Variants in DMD observed in about 807,000 individuals in gnomAD.
DMD encodes dystrophin.
In DMD, 63 loss-of-function variants were observed where a neutral mutation model predicts 330.1. The ratio of observed to expected loss-of-function variants is 0.19; its 90% CI spans 0.16 to 0.24. The LOEUF (loss-of-function observed/expected upper bound fraction) is 0.24, where lower values mean the gene tolerates loss of function less well. Among genes scored for constraint, DMD ranks in the 10% least tolerant of loss-of-function variants. DMD has a pLI of 1.00. For missense variants in DMD, 3,344 were observed against 2,684.1 expected (o/e 1.25, Z -5.43); for synonymous variants, 1,223 against 959.8 (o/e 1.27, Z -5.07).
At chrX:32,391,697 AT>A (rs1172109370) in intron 30 of DMD, among the ~76,000 whole-genome samples, 1 of 111,962 alleles carries the variant, frequency 8.9e-6, no homozygotes, top group African/African-American at 3.2e-5. Flanking sequence ...GTAGGGATCC[AT>A]CTAGGTGCAT....
chrX:31,491,991 A>G (rs767611153), intron 57 of DMD, among the ~76,000 whole-genome samples: 2 of 112,325 alleles, frequency 1.8e-5, no homozygotes, highest in Non-Finnish European at 3.8e-5. Flanking sequence ...TTGTATCCCC[A>G]TAAAAAGCAT....
At chrX:31,351,185 C>T (rs182515334) in intron 60 of DMD, among the ~76,000 whole-genome samples, 5 of 110,186 alleles carry the variant, frequency 4.5e-5, no homozygotes, top group African/African-American at 1.7e-4. Flanking sequence ...CACACATATA[C>T]ATACATACAT....
At chrX:31,259,124 A>C (rs1372246349) in intron 63 of DMD, among the ~76,000 whole-genome samples, 6 of 112,155 alleles carry the variant, frequency 5.3e-5, no homozygotes, top group Non-Finnish European at 1.1e-4. Flanking sequence ...AAACTTCAAA[A>C]ATATGAATAG....
chrX:32,005,658 A>C (rs767496755), intron 44 of DMD, among the ~76,000 whole-genome samples: 1 of 111,070 alleles, frequency 9.0e-6, no homozygotes, highest in Admixed American at 9.7e-5. Flanking sequence ...CTGGGGTATA[A>C]AGATACAAAA....
chrX:33,227,719 A>T (rs2052316317), intron 1 of DMD, among the ~76,000 whole-genome samples: 1 of 110,326 alleles, frequency 9.1e-6, no homozygotes, highest in Admixed American at 9.8e-5. Flanking sequence ...TTAAAGAGAG[A>T]GAGAGAGAGA....
At chrX:33,256,926 C>A (rs1382769311) in intron 1 of DMD, among the ~76,000 whole-genome samples, 2 of 110,705 alleles carry the variant, frequency 1.8e-5, no homozygotes, top group African/African-American at 3.3e-5. Flanking sequence ...ATCTATATCT[C>A]TTCAGCCCCT....
chrX:32,661,910 A>T (rs768453330), intron 9 of DMD, among the ~76,000 whole-genome samples: 1 of 111,659 alleles, frequency 9.0e-6, no homozygotes, highest in Non-Finnish European at 1.9e-5. Context: ...TATTACTGGG[A>T]TTTTGTTGGT....
chrX:31,638,779 A>G (rs905782647), intron 54 of DMD, among the ~76,000 whole-genome samples: 4 of 112,396 alleles, frequency 3.6e-5, no homozygotes, highest in Non-Finnish European at 1.9e-5. Context: ...TATAGCCTCC[A>G]CGTAAGTTGC....
At chrX:32,906,311 C>T (rs768143390) in intron 2 of DMD, among the ~76,000 whole-genome samples, 2 of 111,816 alleles carry the variant, frequency 1.8e-5, no homozygotes, top group South Asian at 3.8e-4. Flanking sequence ...CCTCGCTCCC[C>T]GTCTGCCTTC....
chrX:32,457,934 T>C (rs2098367516), intron 25 of DMD, among the ~76,000 whole-genome samples: 1 of 111,175 alleles, frequency 9.0e-6, no homozygotes, highest in Non-Finnish European at 1.9e-5. Flanking sequence ...TTAGAAAGTA[T>C]ACATGTTTTA....
At chrX:32,059,206 T>C (rs1370955614) in intron 44 of DMD, among the ~76,000 whole-genome samples, 2 of 111,400 alleles carry the variant, frequency 1.8e-5, no homozygotes, top group Non-Finnish European at 3.8e-5. Flanking sequence ...TACTGTATTG[T>C]GCACTTAAAA....
chrX:32,435,220 ATATG>A (rs201971318), intron 29 of DMD, among the ~76,000 whole-genome samples: 17 of 102,244 alleles, frequency 1.7e-4, no homozygotes, highest in Non-Finnish European at 2.6e-4. Context: ...GGATATATAT[ATATG>A]TATATTTACA....
chrX:33,226,950 A>G (rs1171269033), intron 1 of DMD, among the ~76,000 whole-genome samples: 1 of 110,089 alleles, frequency 9.1e-6, no homozygotes, highest in African/African-American at 3.3e-5. Context: ...TGTCATGTTT[A>G]ACACTGTTGC....
intron 57 of DMD, among the ~76,000 whole-genome samples, chrX:31,481,283 G>A (rs1291885360): frequency 1.8e-5 from 2 of 112,082 alleles, no homozygotes; most frequent in Non-Finnish European, 3.8e-5. Context: ...CCAAGGGAGT[G>A]GCACAGGAAT....
Position 31,173,475 on chromosome X carries a change from A to G in DMD, c.10328+64T>C, listed in dbSNP as rs920189246. ...AGAAAAGATTTGTTTAAAATATCAT[A>G]GGTTAGCTTTCCTTGGTTAGTTATT... On this transcript the variant is annotated intron_variant, in intron 72 of 78. Transcript: ENST00000357033. 23 of 1,112,150 alleles carry G rather than the reference A, an allele frequency of 2.1e-5. No individual in the cohort carries two copies. The East Asian group carries it at 6.6e-4, about 32-fold the overall frequency. 91.7% of individuals were successfully genotyped at this position (1,112,150 alleles called of 1,213,427 possible).
intron 13 of DMD, among the ~76,000 whole-genome samples, chrX:32,595,353 T>C (rs1370608747): frequency 8.9e-6 from 1 of 111,852 alleles, no homozygotes. Context: ...CTTGGATGAA[T>C]TATATTGAAA....
At chrX:31,635,591 G>C in intron 54 of DMD, among the ~76,000 whole-genome samples, 1 of 111,747 alleles carries the variant, frequency 8.9e-6, no homozygotes, top group African/African-American at 3.2e-5. Flanking sequence ...AGAAAGAAGT[G>C]GCTAAAAACA....
chrX:32,497,772 T>C (rs1031779382), intron 19 of DMD, among the ~76,000 whole-genome samples: 4 of 111,544 alleles, frequency 3.6e-5, no homozygotes, highest in Non-Finnish European at 7.5e-5. Context: ...ATCATATGTA[T>C]ATTATTTTAG....
chrX:32,802,670 T>C (rs2076664405), intron 7 of DMD, among the ~76,000 whole-genome samples: 1 of 111,797 alleles, frequency 8.9e-6, no homozygotes, highest in Non-Finnish European at 1.9e-5. Flanking sequence ...TTATTGAAAA[T>C]TTTTAGCATG....
Sources: allele counts gnomAD v4.1 joint callset (sites outside exome capture counted in the v4.1 genomes callset), GRCh38; gene constraint gnomAD v4.1.1; transcripts MANE v1.5; gene names NCBI Gene and HGNC (gene_info 2026-07-23, HGNC 2026-07-21).